The following KHDRBS2 variants were observed in gnomAD, a reference collection of about 807,000 sequenced individuals.
The protein encoded by KHDRBS2 is KH RNA binding domain containing, signal transduction associated 2, also known as KH domain-containing, RNA-binding, signal transduction-associated protein 2.
Under a neutral mutation model 44.3 loss-of-function variants are expected in KHDRBS2, and 26 were observed. The observed-to-expected ratio is 0.59, with a 90% CI of 0.43 to 0.81. The LOEUF (loss-of-function observed/expected upper bound fraction) is 0.81. Ranked by LOEUF, KHDRBS2 falls within the 40% of genes least tolerant of loss-of-function variation. The pLI is 0.00. For missense variants in KHDRBS2, 476 were observed against 433.1 expected, an observed-to-expected ratio of 1.10 and a Z score of -0.88; for synonymous variants, 194 against 151.1, an observed-to-expected ratio of 1.28 and a Z score of -2.08.
chr6:62,110,151 G>A (rs1485348659), intron 2 of KHDRBS2, among the ~76,000 whole-genome samples: 1 of 151,972 alleles, frequency 6.6e-6, no homozygotes, highest in Non-Finnish European at 1.5e-5. Context: ...CTACCTAATA[G>A]AATTGTTTAC....
At chr6:61,856,164 A>G (rs188461688) in intron 6 of KHDRBS2, among the ~76,000 whole-genome samples, 15 of 152,098 alleles carry the variant, frequency 9.9e-5, no homozygotes, top group Non-Finnish European at 1.6e-4. Context: ...ATGTGCTTTC[A>G]TACTCCATTT....
At chr6:62,167,896 T>G (rs1175057967) in intron 2 of KHDRBS2, among the ~76,000 whole-genome samples, 1 of 152,178 alleles carries the variant, frequency 6.6e-6, no homozygotes, top group South Asian at 2.1e-4. Flanking sequence ...TTAAATGATC[T>G]GATAACTACT....
intron 1 of KHDRBS2, among the ~76,000 whole-genome samples, chr6:62,231,186 T>A (rs1832839125): frequency 6.6e-6 from 1 of 152,212 alleles, no homozygotes. Context: ...CAAACGTACA[T>A]TGTCCCAGTG....
chr6:62,067,187 T>C (rs937975641), intron 2 of KHDRBS2, among the ~76,000 whole-genome samples: 1 of 151,506 alleles, frequency 6.6e-6, no homozygotes, highest in African/African-American at 2.4e-5. Context: ...TTTTCTGAAA[T>C]CCTTAACTAA....
chr6:61,779,447 G>T (rs1484309633), intron 6 of KHDRBS2, among the ~76,000 whole-genome samples: 1 of 151,964 alleles, frequency 6.6e-6, no homozygotes, highest in Admixed American at 6.6e-5. Context: ...TGAGGGTGTG[G>T]TTCAAAAAAA....
At chr6:62,226,783 C>A (rs75083239) in intron 1 of KHDRBS2, among the ~76,000 whole-genome samples, 2 of 152,292 alleles carry the variant, frequency 1.3e-5, no homozygotes, top group Admixed American at 6.5e-5. Context: ...AATAGGAGAT[C>A]CCTTCCCCAT....
chr6:61,601,925 T>G, the KHDRBS2 span, among the ~76,000 whole-genome samples: 2 of 152,130 alleles, frequency 1.3e-5, no homozygotes, highest in Admixed American at 1.3e-4. Context: ...AAAGGCATAG[T>G]CAAGGTTAAT....
intron 6 of KHDRBS2, among the ~76,000 whole-genome samples, chr6:61,881,968 A>G (rs1473003995): frequency 6.6e-6 from 1 of 152,068 alleles, no homozygotes; most frequent in African/African-American, 2.4e-5. Flanking sequence ...TCCAGAAATT[A>G]CAACATGGGC....
chr6:61,750,638 G>A (rs1428981414), intron 6 of KHDRBS2, among the ~76,000 whole-genome samples: 2 of 151,836 alleles, frequency 1.3e-5, no homozygotes, highest in South Asian at 4.1e-4. Context: ...AGACAAAACC[G>A]TCTTCTGATT....
the KHDRBS2 span, among the ~76,000 whole-genome samples, chr6:61,576,564 C>T: frequency 2.6e-5 from 4 of 151,942 alleles, no homozygotes; most frequent in East Asian, 5.8e-4. Context: ...TTTCTTTTGC[C>T]TGACGTAATT....
chr6:61,681,087 C>A (rs200726760), intron 8 of KHDRBS2, 27 bp from the exon 9 acceptor site: 1 of 1,477,386 alleles, frequency 6.8e-7, no homozygotes, highest in Admixed American at 1.7e-5. Context: ...GATAGTAACA[C>A]ACACATGACT....
chr6:61,766,821 A>G (rs920528034), intron 6 of KHDRBS2, among the ~76,000 whole-genome samples: 21 of 152,068 alleles, frequency 1.4e-4, no homozygotes, highest in Non-Finnish European at 2.9e-4. Context: ...GCGGTCAGAG[A>G]TGATACTAGA....
chr6:61,719,083 CT>C (rs1056609783), intron 7 of KHDRBS2, among the ~76,000 whole-genome samples: 1 of 152,178 alleles, frequency 6.6e-6, no homozygotes, highest in African/African-American at 2.4e-5. Context: ...AGGGAGGCTT[CT>C]TTTCCTAGGT....
At chr6:61,669,136 G>C in the KHDRBS2 span, among the ~76,000 whole-genome samples, 5 of 150,882 alleles carry the variant, frequency 3.3e-5, no homozygotes, top group Admixed American at 2.0e-4. Context: ...GATGATTAGG[G>C]TTACTGTACA....
At chr6:62,189,457 T>C (rs1475938793) in intron 1 of KHDRBS2, among the ~76,000 whole-genome samples, 1 of 152,094 alleles carries the variant, frequency 6.6e-6, no homozygotes, top group East Asian at 1.9e-4. Context: ...TAGTAAGTGT[T>C]TGCCATTTTA....
the KHDRBS2 span, among the ~76,000 whole-genome samples, chr6:61,560,566 T>G: frequency 6.6e-6 from 1 of 152,156 alleles, no homozygotes; most frequent in African/African-American, 2.4e-5. Flanking sequence ...ACTAATTATT[T>G]CTTCTTTTTA....
intron 2 of KHDRBS2, among the ~76,000 whole-genome samples, chr6:62,078,224 A>C (rs1460809700): frequency 6.6e-6 from 1 of 152,042 alleles, no homozygotes; most frequent in Admixed American, 6.6e-5. Context: ...GAAATTCAGA[A>C]ATGTCTGGCT....
chr6:61,956,944 G>C (rs1767496648), intron 4 of KHDRBS2, among the ~76,000 whole-genome samples: 1 of 89,574 alleles, frequency 1.1e-5, no homozygotes, highest in South Asian at 4.2e-4. Flanking sequence ...ATCATCATCT[G>C]TTGTGGGAAG....
intron 6 of KHDRBS2, among the ~76,000 whole-genome samples, chr6:61,848,306 T>C (rs2127279197): frequency 6.7e-6 from 1 of 150,242 alleles, no homozygotes; most frequent in East Asian, 2.0e-4. Context: ...TCATTCCACA[T>C]TCAAAATCCT....
Sources: gnomAD v4.1 joint callset for allele counts (sites outside exome capture counted in the v4.1 genomes callset) on GRCh38, gnomAD v4.1.1 for gene constraint, MANE v1.5 for transcripts, NCBI Gene and HGNC (gene_info 2026-07-23, HGNC 2026-07-21) for gene names.